CCDC18: variants seen among roughly 807,000 people sequenced by gnomAD.
CCDC18 encodes the protein coiled-coil domain containing 18.
In CCDC18, 157 loss-of-function variants were observed where a neutral mutation model predicts 196.0. That is an observed-to-expected ratio of 0.80 (90% CI 0.70 to 0.91). CCDC18 has a LOEUF of 0.91. Ranked by LOEUF, CCDC18 falls within the 40% of genes least tolerant of loss-of-function variation. The pLI is 0.00. For synonymous variants in CCDC18, 482 were observed against 529.2 expected (o/e 0.91, Z 1.22); for missense variants, 1,465 against 1,611.6 (o/e 0.91, Z 1.56).
upstream of CCDC18, chr1:93,180,358 AG>A (rs1054573947): frequency 7.4e-7 from 1 of 1,350,596 alleles, no homozygotes; most frequent in African/African-American, 1.5e-5. Context: ...AAGAAACTCC[AG>A]GTGGCGGCCG....
chr1:93,216,220 G>A (rs1217764945), intron 12 of CCDC18, among the ~76,000 whole-genome samples: 1 of 152,116 alleles, frequency 6.6e-6, no homozygotes, highest in Non-Finnish European at 1.5e-5. Flanking sequence ...AATATAAAAG[G>A]GGAAAAAGAA....
rs746557460 is a variant in CCDC18 at position 93,186,437 on chromosome 1, A to G, written c.396A>G (p.Thr132=). The G allele has an allele frequency of 2.9e-4, 462 of 1,611,776 alleles. No homozygotes were observed. The highest frequency in any genetic ancestry group is 3.8e-4 in the Non-Finnish European group (449 of 1,178,592). Residue 132 remains threonine, a synonymous_variant, in exon 4 of 29, where the codon ACA becomes ACG. Coordinates refer to ENST00000690025, the MANE Select transcript of CCDC18 (RefSeq NM_001378204.1). Reference sequence around the variant, plus strand: ...GGCAACAGAATGCTTGTTTGGTCACACAGAATCATTCCTTAATGACTAAAT... The same window carrying G: ...GGCAACAGAATGCTTGTTTGGTCACGCAGAATCATTCCTTAATGACTAAAT... ...KLRQQNACLV[T]QNHSLMTKFE...
chr1:93,247,812 T>C (rs1002770970), intron 23 of CCDC18, among the ~76,000 whole-genome samples: 3 of 152,038 alleles, frequency 2.0e-5, no homozygotes, highest in African/African-American at 7.3e-5. Flanking sequence ...ACTTCTCTCT[T>C]TCCAATTTGG....
intron 18 of CCDC18, among the ~76,000 whole-genome samples, chr1:93,234,844 A>G (rs1190740794): frequency 1.3e-5 from 2 of 149,274 alleles, no homozygotes; most frequent in African/African-American, 2.5e-5. Context: ...GTGCAGTGAC[A>G]TGATCATGGC....
rs981760253 is a variant in CCDC18, at chr1:93,186,501, A to G, written c.460A>G (p.Lys154Glu). The G allele has an allele frequency of 3.1e-6, 5 of 1,591,826 alleles. No individual in the cohort carries two copies. In the Admixed American group the frequency reaches 7.2e-5, roughly 23 times the overall value. Residue 154 changes from lysine to glutamate, a missense_variant and splice_region_variant, in exon 4 of 29, where the codon AAA becomes GAA. Coordinates refer to ENST00000690025, the MANE Select transcript of CCDC18 (RefSeq NM_001378204.1). ...IHFELTQSRA[K>E]VSMLESAQQQ... ...CTTTGAATTAACACAGTCAAGAGCAAAAGTATGTATCTTGAAATAAGTTTG... is the reference window on the plus strand; with the variant it reads ...CTTTGAATTAACACAGTCAAGAGCAGAAGTATGTATCTTGAAATAAGTTTG...
At chr1:93,223,908 C>T (rs1398090870) in intron 16 of CCDC18, among the ~76,000 whole-genome samples, 2 of 91,138 alleles carry the variant, frequency 2.2e-5, no homozygotes, top group African/African-American at 1.3e-4. Context: ...TATACACACA[C>T]ACACACACAC....
intron 24 of CCDC18, 151 bp from the exon 25 acceptor site, chr1:93,256,184 A>T (rs1662939898): frequency 1.5e-6 from 1 of 645,888 alleles, no homozygotes; most frequent in Non-Finnish European, 2.7e-6. Context: ...ACAGTGGGTG[A>T]TACTCATTGT....
At chr1:93,277,363 TC>T (rs1382800079) in intron 28 of CCDC18, among the ~76,000 whole-genome samples, 6 of 59,804 alleles carry the variant, frequency 1.0e-4, no homozygotes, top group African/African-American at 8.1e-4. Flanking sequence ...GTCAGGTCTT[TC>T]CCTTCCCACG....
chr1:93,179,998 G>T, upstream of CCDC18: 1 of 1,540,358 alleles, frequency 6.5e-7, no homozygotes, highest in Non-Finnish European at 8.8e-7. Context: ...GGTGAGAGGC[G>T]ACAACGCAGT....
upstream of CCDC18, chr1:93,180,660 C>T (rs1308821451): frequency 1.5e-6 from 2 of 1,329,558 alleles, no homozygotes; most frequent in Non-Finnish European, 2.0e-6. Context: ...TCGGCGGCGC[C>T]TCACGCAGTC....
At chr1:93,189,954 C>T (rs1300011748) in intron 4 of CCDC18, among the ~76,000 whole-genome samples, 2 of 152,172 alleles carry the variant, frequency 1.3e-5, no homozygotes, top group East Asian at 1.9e-4. Flanking sequence ...AGCTACCGCG[C>T]CTGGCCCTGT....
At chr1:93,190,061 T>G (rs931617001) in intron 4 of CCDC18, among the ~76,000 whole-genome samples, 2 of 152,236 alleles carry the variant, frequency 1.3e-5, no homozygotes, top group African/African-American at 2.4e-5. Context: ...TGAAGTTTTT[T>G]TTTGTTCCGA....
Position 93,214,959 on chromosome 1 carries a change from A to G in CCDC18, c.1712A>G (p.Glu571Gly), listed in dbSNP as rs751571920. 6.9e-6 allele frequency: 11 copies of G among 1,590,958 alleles called. No homozygotes were observed. The East Asian group carries it at 1.6e-4, about 23-fold the overall frequency. The part of the protein sequence containing the change: ...LEKASNSSKL[E>G]SEMTKKCSQL... ...AAAGCTTCAAACTCCAGCAAACTGG[A>G]AAGTGAAGTAAGCTTGGAATTAGCT... is the stretch of plus-strand genomic sequence containing the variant. The change falls in exon 12 of 29, where the codon GAA becomes GGA. Residue 571 changes from glutamate to glycine, a missense_variant. Physicochemically the swap from Glu to Gly is moderately conservative, Grantham distance 98. Transcript: ENST00000690025.
At chr1:93,183,956 AT>A (rs775093774) in intron 2 of CCDC18, 21 bp from the exon 3 acceptor site, 1 of 1,436,406 alleles carries the variant, frequency 7.0e-7, no homozygotes, top group Non-Finnish European at 9.3e-7. Context: ...GAACTGAAAT[AT>A]GTTTTTTCTT....
chr1:93,254,351 A>T, intron 23 of CCDC18, 120 bp from the exon 24 acceptor site: 1 of 688,202 alleles, frequency 1.5e-6, no homozygotes, highest in Non-Finnish European at 2.4e-6. Flanking sequence ...CGATTGCCTT[A>T]ACCTATTTAT....
intron 4 of CCDC18, among the ~76,000 whole-genome samples, 159 bp from the exon 5 acceptor site, chr1:93,191,841 C>A (rs368109939): frequency 1.2e-4 from 18 of 152,132 alleles, no homozygotes; most frequent in East Asian, 9.6e-4. Context: ...GATGATATGC[C>A]CATGTAAATG....
chr1:93,191,989 TTA>T lies in CCDC18; in HGVS notation c.463-9_463-8del, dbSNP rs762980301. ...TCTGAAAGTACTATAAAAGTTGTTT[TTA>T]TGTTTTAGGTTTCTATGCTTGAGTC... On this transcript the variant is annotated splice_polypyrimidine_tract_variant and intron_variant, in intron 4 of 28. Coordinates refer to ENST00000690025, the MANE Select transcript of CCDC18 (RefSeq NM_001378204.1). 4.4e-6 allele frequency: 7 copies of T among 1,588,068 alleles called. No individual in the cohort carries two copies. In the Admixed American group the frequency reaches 1.1e-4, roughly 24 times the overall value.
At chr1:93,202,676 T>C (rs1654027645) in intron 7 of CCDC18, among the ~76,000 whole-genome samples, 1 of 151,976 alleles carries the variant, frequency 6.6e-6, no homozygotes, top group African/African-American at 2.4e-5. Flanking sequence ...AAGGGTAGAG[T>C]AAGAAGATGG....
chr1:93,212,042 G>A, intron 10 of CCDC18, 59 bp from the exon 11 acceptor site: 1 of 1,390,504 alleles, frequency 7.2e-7, no homozygotes. Context: ...AAATAGTACA[G>A]TATGAGTTTT....
Sources: allele counts gnomAD v4.1 joint callset (sites outside exome capture counted in the v4.1 genomes callset), GRCh38; gene constraint gnomAD v4.1.1; transcripts MANE v1.5; gene names NCBI Gene and HGNC (gene_info 2026-07-23, HGNC 2026-07-21).